Variants in RBFOX1 observed in about 807,000 individuals in gnomAD.
The protein encoded by RBFOX1 is RNA binding fox-1 homolog 1.
In RBFOX1, 8 loss-of-function variants were observed where a neutral mutation model predicts 57.7. That is an observed-to-expected ratio of 0.14 (90% CI 0.08 to 0.25). RBFOX1 has a LOEUF of 0.25. RBFOX1 is among the 10% of genes least tolerant of loss of function. The probability of loss-of-function intolerance (pLI) is 1.00; values close to 1 mark genes in which losing one functional copy is unlikely to be tolerated. For synonymous variants in RBFOX1, 326 were observed against 222.4 expected (o/e 1.47, Z -4.15); for missense variants, 611 against 548.5 (o/e 1.11, Z -1.14).
At chr16:6,426,168 C>G (rs1257838226) in intron 2 of RBFOX1, among the ~76,000 whole-genome samples, 1 of 151,920 alleles carries the variant, frequency 6.6e-6, no homozygotes, top group African/African-American at 2.4e-5. Context: ...TTCCCTCCCT[C>G]CATCCCTCCT....
rs572416536 is a variant in RBFOX1 at position 5,802,542 on chromosome 16, G to A, written c.319-64761G>A. ...AGACTCTCAGAGGGAATGCTCAGAG[G>A]TGGAACTGCTTGTTAACCTACGGGG... On this transcript the variant is annotated intron_variant, in intron 3 of 19. Transcript: ENST00000641259. 6.8e-4 allele frequency among the ~76,000 whole-genome samples: 103 copies of A among 152,294 alleles called. 2 individuals carry two copies. Among genetic ancestry groups the A allele is most frequent in the African/African-American group, 2.3e-3 (94 of 41,570 alleles).
At chr16:5,536,330 G>A (rs1297521900) in intron 2 of RBFOX1, among the ~76,000 whole-genome samples, 1 of 150,008 alleles carries the variant, frequency 6.7e-6, no homozygotes, top group African/African-American at 2.5e-5. Flanking sequence ...CTCCTGCTGG[G>A]TTCAAGCGAT....
rs187167768 is a variant in RBFOX1 at position 7,585,448 on chromosome 16, T to C, written c.415-1799T>C. Among the ~76,000 whole-genome samples the C allele has an allele frequency of 2.0e-4, 31 of 152,316 alleles. No individual in the cohort carries two copies. In the East Asian group the frequency reaches 5.0e-3, roughly 25 times the overall value. On this transcript the variant is annotated intron_variant, in intron 6 of 15. Coordinates refer to ENST00000550418, the MANE Select transcript of RBFOX1 (RefSeq NM_018723.4). Reference sequence around the variant, plus strand: ...GTGCATGCAAGCAATGTGACCCCTTTCCATGTTCTCTTCTGAGTATTTTCT... The same window carrying C: ...GTGCATGCAAGCAATGTGACCCCTTCCCATGTTCTCTTCTGAGTATTTTCT...
At chr16:7,044,421 A>G (rs1468361339) in intron 3 of RBFOX1, among the ~76,000 whole-genome samples, 1 of 152,198 alleles carries the variant, frequency 6.6e-6, no homozygotes, top group African/African-American at 2.4e-5. Flanking sequence ...AAAAAGGCTG[A>G]GTGAGAAAGC....
At chr16:7,136,750 C>T (rs1473571970) in intron 4 of RBFOX1, among the ~76,000 whole-genome samples, 4 of 152,180 alleles carry the variant, frequency 2.6e-5, no homozygotes, top group Admixed American at 2.0e-4. Context: ...AGTGCTAGGC[C>T]AGAGCACAGT....
At chr16:5,725,348 G>T (rs1301439577) in intron 3 of RBFOX1, among the ~76,000 whole-genome samples, 4 of 152,064 alleles carry the variant, frequency 2.6e-5, no homozygotes, top group Non-Finnish European at 5.9e-5. Context: ...GGCTCAAGGG[G>T]TCCTCCTGCC....
chr16:5,415,290 A>G (rs2067132248), intron 1 of RBFOX1, among the ~76,000 whole-genome samples: 1 of 152,206 alleles, frequency 6.6e-6, no homozygotes, highest in African/African-American at 2.4e-5. Context: ...GAGAGCAAGA[A>G]TGAGGAAGTG....
At chr16:5,722,197 T>G (rs1293796997) in intron 3 of RBFOX1, among the ~76,000 whole-genome samples, 4 of 152,226 alleles carry the variant, frequency 2.6e-5, no homozygotes, top group Non-Finnish European at 4.4e-5. Flanking sequence ...GGTTTGTTAA[T>G]TACAGTATTT....
chr16:6,591,060 G>C (rs2097703262), intron 2 of RBFOX1, among the ~76,000 whole-genome samples: 1 of 152,256 alleles, frequency 6.6e-6, no homozygotes, highest in East Asian at 1.9e-4. Flanking sequence ...TGCTGGGCAG[G>C]ATAGCTTATG....
intron 4 of RBFOX1, among the ~76,000 whole-genome samples, chr16:7,506,217 AT>A (rs1176999795): frequency 7.6e-4 from 99 of 130,428 alleles, no homozygotes; most frequent in African/African-American, 1.9e-3. Context: ...AAAAAAAAAA[AT>A]TTCTGTAAGC....
At chr16:6,510,520 A>G (rs777916982) in intron 2 of RBFOX1, among the ~76,000 whole-genome samples, 4 of 152,148 alleles carry the variant, frequency 2.6e-5, no homozygotes, top group Non-Finnish European at 4.4e-5. Context: ...ACACATTATT[A>G]TCATTCATTT....
At chr16:7,493,430 G>C (rs1306899410) in intron 4 of RBFOX1, among the ~76,000 whole-genome samples, 1 of 152,186 alleles carries the variant, frequency 6.6e-6, no homozygotes, top group Non-Finnish European at 1.5e-5. Context: ...TGGAACCTGC[G>C]AGTGTTACTG....
chr16:7,667,114 A>G (rs974335509), intron 13 of RBFOX1, among the ~76,000 whole-genome samples: 1 of 152,194 alleles, frequency 6.6e-6, no homozygotes. Context: ...AGTTCCTGCA[A>G]TATGAATTTA....
chr16:6,359,058 C>T (rs184423665), intron 2 of RBFOX1, among the ~76,000 whole-genome samples: 2 of 151,704 alleles, frequency 1.3e-5, no homozygotes, highest in African/African-American at 2.4e-5. Context: ...AACAAATGCT[C>T]AGCTTGTTGT....
chr16:5,992,011 A>G (rs2060408557), intron 4 of RBFOX1, among the ~76,000 whole-genome samples: 1 of 152,190 alleles, frequency 6.6e-6, no homozygotes. Context: ...AAATACAGAG[A>G]TTTGTAAAAA....
At chr16:5,503,022 C>T (rs1001298659) in intron 2 of RBFOX1, among the ~76,000 whole-genome samples, 5 of 152,218 alleles carry the variant, frequency 3.3e-5, no homozygotes, top group Non-Finnish European at 7.3e-5. Context: ...CTCTTTCTTC[C>T]CTGGGGCTTT....
At chr16:7,378,695 C>A (rs1177298606) in intron 4 of RBFOX1, among the ~76,000 whole-genome samples, 1 of 152,154 alleles carries the variant, frequency 6.6e-6, no homozygotes, top group East Asian at 1.9e-4. Flanking sequence ...CCAGGCACTT[C>A]CTTTTTCCCT....
At chr16:5,430,686 T>C (rs2067704893) in intron 1 of RBFOX1, among the ~76,000 whole-genome samples, 1 of 152,208 alleles carries the variant, frequency 6.6e-6, no homozygotes, top group Non-Finnish European at 1.5e-5. Context: ...TATTTTTAGG[T>C]GTAAGCAGTA....
chr16:6,960,240 G>C (rs1227343064), intron 3 of RBFOX1, among the ~76,000 whole-genome samples: 2 of 152,154 alleles, frequency 1.3e-5, no homozygotes, highest in Admixed American at 1.3e-4. Context: ...TTTAGATTAA[G>C]TAAATTTACT....
Sources: gnomAD v4.1 joint callset for allele counts (sites outside exome capture counted in the v4.1 genomes callset) on GRCh38, gnomAD v4.1.1 for gene constraint, MANE v1.5 for transcripts, NCBI Gene and HGNC (gene_info 2026-07-23, HGNC 2026-07-21) for gene names.